BRINP3: variants seen among roughly 807,000 people sequenced by gnomAD.
BRINP3 encodes BMP/retinoic acid inducible neural specific 3, also known as BMP/retinoic acid-inducible neural-specific protein 3.
A neutral mutation model predicts 71.0 loss-of-function variants in BRINP3; 19 were observed. The observed-to-expected ratio is 0.27, with a 90% confidence interval of 0.19 to 0.39. BRINP3 has a LOEUF of 0.39. Ranked by LOEUF, BRINP3 falls within the 10% of genes least tolerant of loss-of-function variation. The probability of loss-of-function intolerance (pLI) is 1.00; values close to 1 mark genes in which losing one functional copy is unlikely to be tolerated. For synonymous variants in BRINP3, 380 were observed against 337.7 expected (o/e 1.13, Z -1.37); for missense variants, 959 against 940.8 (o/e 1.02, Z -0.25).
At chr1:190,174,775 T>C (rs998243896) in intron 6 of BRINP3, among the ~76,000 whole-genome samples, 1 of 147,756 alleles carries the variant, frequency 6.8e-6, no homozygotes, top group Non-Finnish European at 1.5e-5. Context: ...CATATGTTAG[T>C]TCATATTTAA....
In BRINP3 at chr1:190,396,713, GATATATATATATAT is replaced by G. The variant is rs3077327; in HGVS notation, c.236+57928_236+57941del. Among the ~76,000 whole-genome samples the G allele has an allele frequency of 7.8e-4, 79 of 101,008 alleles. 1 individual carries two copies. The highest frequency in any genetic ancestry group is 0.011 in the Middle Eastern group (2 of 188). 66.3% of individuals were successfully genotyped at this position (101,008 alleles called of 152,430 possible). A position where few individuals can be genotyped will look rare whatever the true frequency, so the allele number is the denominator to read the frequency against. On this transcript the variant is annotated intron_variant, in intron 2 of 7. Transcript: ENST00000367462. ...ACGCACTATGCATTCCTAATTTAATGATATATATATATATATATATATATATGTAACTAACAGAT... is the reference window on the plus strand; with the variant it reads ...ACGCACTATGCATTCCTAATTTAATGATATATATATATGTAACTAACAGAT...
At chr1:190,225,684 A>C (rs545538610) in intron 6 of BRINP3, among the ~76,000 whole-genome samples, 8 of 152,176 alleles carry the variant, frequency 5.3e-5, no homozygotes, top group Admixed American at 5.2e-4. Flanking sequence ...AGTGAAAATA[A>C]GCACTAATGA....
At chr1:190,354,059 C>G (rs12760928) in intron 2 of BRINP3, among the ~76,000 whole-genome samples, 2,168 of 152,050 alleles carry the variant, frequency 0.014, 28 homozygotes, top group Non-Finnish European at 0.021. Flanking sequence ...GCTTACTGAT[C>G]CAGTCTCATT....
intron 2 of BRINP3, among the ~76,000 whole-genome samples, chr1:190,435,619 T>C (rs1674407790): frequency 6.6e-6 from 1 of 152,082 alleles, no homozygotes. Context: ...TAAACTAAAA[T>C]GTAACATTTT....
intron 4 of BRINP3, among the ~76,000 whole-genome samples, chr1:190,249,265 C>A (rs1258535142): frequency 6.6e-6 from 1 of 151,788 alleles, no homozygotes; most frequent in Non-Finnish European, 1.5e-5. Context: ...CTAAGCACAG[C>A]ACAGACACTG....
chr1:190,472,346 C>T (rs149932238), intron 1 of BRINP3, among the ~76,000 whole-genome samples: 121 of 151,418 alleles, frequency 8.0e-4, no homozygotes, highest in Middle Eastern at 3.4e-3. Flanking sequence ...CCCTTTATTA[C>T]GATGTGAAAG....
intron 2 of BRINP3, among the ~76,000 whole-genome samples, chr1:190,322,140 T>G (rs1666287441): frequency 6.6e-6 from 1 of 151,998 alleles, no homozygotes; most frequent in Non-Finnish European, 1.5e-5. Context: ...AGATTACATA[T>G]AATGGATCAA....
rs77461236 is a variant in BRINP3 at position 190,363,104 on chromosome 1, A to G, written c.237-81354T>C. ...GAAAAATCTGGGCCCTGCCTAAAGGAAGAATGACTGATGTTTGAGAGGGCC... is the reference window on the plus strand; with the variant it reads ...GAAAAATCTGGGCCCTGCCTAAAGGGAGAATGACTGATGTTTGAGAGGGCC... On this transcript the variant is annotated intron_variant, in intron 2 of 7. Coordinates refer to ENST00000367462, the MANE Select transcript of BRINP3 (RefSeq NM_199051.3). 2.2e-3 allele frequency among the ~76,000 whole-genome samples: 328 copies of G among 152,294 alleles called. 3 individuals carry two copies. Among genetic ancestry groups the G allele is most frequent in the African/African-American group, 7.4e-3 (306 of 41,590 alleles).
chr1:190,251,449 T>C (rs938195685), intron 4 of BRINP3, among the ~76,000 whole-genome samples: 17 of 151,934 alleles, frequency 1.1e-4, no homozygotes, highest in African/African-American at 4.1e-4. Flanking sequence ...ACACAATCAA[T>C]ACGTAGTGAT....
At chr1:190,448,543 C>T (rs1675389604) in intron 2 of BRINP3, among the ~76,000 whole-genome samples, 1 of 149,834 alleles carries the variant, frequency 6.7e-6, no homozygotes, top group African/African-American at 2.5e-5. Context: ...TTTCTTGTGA[C>T]AGTTATGTTT....
intron 1 of BRINP3, chr1:190,474,555 T>C (rs1036858083): frequency 2.0e-5 from 3 of 152,630 alleles, no homozygotes; most frequent in African/African-American, 7.2e-5. Context: ...AGATAGAATA[T>C]TTTTAAGTGA....
intron 2 of BRINP3, among the ~76,000 whole-genome samples, chr1:190,415,902 G>A (rs745643627): frequency 4.6e-5 from 7 of 151,962 alleles, no homozygotes; most frequent in Non-Finnish European, 8.8e-5. Context: ...GTAAGAACTC[G>A]TTTCTTAAAT....
chr1:190,301,200 C>CATATATATGTATATAT (rs1205544792), intron 2 of BRINP3, among the ~76,000 whole-genome samples: 3 of 87,804 alleles, frequency 3.4e-5, no homozygotes, highest in African/African-American at 1.6e-4. Flanking sequence ...TATATATACA[C>CATATATATGTATATAT]ATACATATAT....
intron 7 of BRINP3, among the ~76,000 whole-genome samples, chr1:190,146,625 T>C (rs1171077386): frequency 1.3e-5 from 2 of 152,140 alleles, no homozygotes; most frequent in Non-Finnish European, 2.9e-5. Flanking sequence ...AAGTATTCAT[T>C]ATAGGTAGGA....
At chr1:190,165,460 TTGTGTG>T (rs1222112915) in intron 6 of BRINP3, among the ~76,000 whole-genome samples, 102 of 95,094 alleles carry the variant, frequency 1.1e-3, no homozygotes, top group Admixed American at 3.0e-3. Context: ...TTTTTTTTTT[TTGTGTG>T]TGTGTGTGTG....
At chr1:190,154,405 G>C (rs1269411548) in intron 7 of BRINP3, among the ~76,000 whole-genome samples, 1 of 152,140 alleles carries the variant, frequency 6.6e-6, no homozygotes, top group African/African-American at 2.4e-5. Context: ...GTGTAGGTGG[G>C]AAAAGAGGGC....
intron 2 of BRINP3, among the ~76,000 whole-genome samples, chr1:190,304,345 A>G: frequency 6.6e-6 from 1 of 151,838 alleles, no homozygotes; most frequent in East Asian, 1.9e-4. Flanking sequence ...ATTAAAAATT[A>G]TCCTTCACAA....
chr1:190,346,876 A>G (rs1442889386), intron 2 of BRINP3, among the ~76,000 whole-genome samples: 1 of 152,138 alleles, frequency 6.6e-6, no homozygotes, highest in Non-Finnish European at 1.5e-5. Flanking sequence ...TTCCACAAGA[A>G]ATAGTGAATA....
At chr1:190,232,448 T>C (rs1276792160) in intron 5 of BRINP3, among the ~76,000 whole-genome samples, 1 of 152,018 alleles carries the variant, frequency 6.6e-6, no homozygotes, top group Admixed American at 6.6e-5. Flanking sequence ...GCATGAAATA[T>C]TGAGGGTCTT....
Sources: allele counts gnomAD v4.1 joint callset (sites outside exome capture counted in the v4.1 genomes callset), GRCh38; gene constraint gnomAD v4.1.1; transcripts MANE v1.5; gene names NCBI Gene and HGNC (gene_info 2026-07-23, HGNC 2026-07-21).